ZNF618: variants seen among roughly 807,000 people sequenced by gnomAD.
ZNF618 encodes the protein zinc finger protein 618, also known as neural precursor cell expressed, developmentally down-regulated 10.
In ZNF618, 34 loss-of-function variants were observed where a neutral mutation model predicts 103.0. That is an observed-to-expected ratio of 0.33 (90% CI 0.25 to 0.44). The LOEUF is 0.44. Ranked by LOEUF, ZNF618 falls within the 20% of genes least tolerant of loss-of-function variation. The probability of loss-of-function intolerance (pLI) is 1.00; values close to 1 mark genes in which losing one functional copy is unlikely to be tolerated. For synonymous variants in ZNF618, 551 were observed against 542.2 expected (o/e 1.02, Z -0.23); for missense variants, 1,059 against 1,295.4 (o/e 0.82, Z 2.80).
intron 1 of ZNF618, among the ~76,000 whole-genome samples, chr9:113,880,496 G>A (rs947350754): frequency 1.3e-5 from 2 of 152,168 alleles, no homozygotes; most frequent in African/African-American, 2.4e-5. Flanking sequence ...GCCATATCCC[G>A]ACTCCCATAT....
chr9:114,024,402 T>C (rs1005463693), intron 10 of ZNF618, among the ~76,000 whole-genome samples: 2 of 152,242 alleles, frequency 1.3e-5, no homozygotes, highest in African/African-American at 4.8e-5. Flanking sequence ...GCCTGGAAAA[T>C]AATTGTTTCT....
At chr9:114,020,307 T>C (rs1842966605) in intron 10 of ZNF618, among the ~76,000 whole-genome samples, 1 of 151,982 alleles carries the variant, frequency 6.6e-6, no homozygotes, top group African/African-American at 2.4e-5. Flanking sequence ...GAAACTTTAT[T>C]CTTCCATATT....
chr9:113,924,992 T>C (rs970513812), intron 1 of ZNF618, among the ~76,000 whole-genome samples: 11 of 151,976 alleles, frequency 7.2e-5, no homozygotes, highest in South Asian at 2.1e-4. Flanking sequence ...AGAATGTGTA[T>C]TGTGGTGTTG....
At chr9:114,036,239 C>G in intron 12 of ZNF618, 61 bp from the exon 13 acceptor site, 1 of 1,496,220 alleles carries the variant, frequency 6.7e-7, no homozygotes, top group Middle Eastern at 1.8e-4. Flanking sequence ...TGCCTGCAGC[C>G]CAGCAGAAGG....
At position 114,049,060 on chromosome 9, in the gene ZNF618, G is replaced by C; in HGVS notation, c.1758G>C (p.Ala586=). 1 of 1,613,892 alleles carries C rather than the reference G, an allele frequency of 6.2e-7. No individual in the cohort carries two copies. The highest frequency in any genetic ancestry group is 8.5e-7 in the Non-Finnish European group (1 of 1,179,896). The part of the protein sequence containing the change: ...IKSYVLGVKG[A]DIRDSGDLVH... ...GCTATGTGCTTGGTGTGAAGGGTGC[G>C]GACATTCGCGACAGCGGTGACCTTG... Residue 586 remains alanine (A), a synonymous_variant, in exon 15 of 15, where the codon GCG becomes GCC. Coordinates refer to ENST00000374126, the MANE Select transcript of ZNF618 (RefSeq NM_001318042.2).
intron 1 of ZNF618, among the ~76,000 whole-genome samples, chr9:113,920,659 C>A (rs914852224): frequency 1.3e-5 from 2 of 152,134 alleles, no homozygotes; most frequent in Non-Finnish European, 2.9e-5. Context: ...GCCTTGGCCT[C>A]CCAAAGTGTT....
At chr9:113,991,758 C>G (rs1420076605) in intron 3 of ZNF618, among the ~76,000 whole-genome samples, 1 of 152,164 alleles carries the variant, frequency 6.6e-6, no homozygotes, top group African/African-American at 2.4e-5. Flanking sequence ...CTGTCTGGAC[C>G]TTGGTGTTCC....
chr9:114,016,794 T>G lies in ZNF618; in HGVS notation c.844+10T>G, dbSNP rs1232451758. On this transcript the variant is annotated intron_variant, in intron 10 of 14. Transcript: ENST00000374126. ...TTACACGCCCCCATCAGTGAGTACC[T>G]CCTCCCGGTAGGGATGGGGGTTGGG... 6.2e-7 allele frequency: 1 copy of G among 1,605,930 alleles called. No homozygotes were observed. The highest frequency in any genetic ancestry group is 8.5e-7 in the Non-Finnish European group (1 of 1,174,680).
chr9:113,992,872 G>A (rs1194675628), intron 3 of ZNF618, among the ~76,000 whole-genome samples: 3 of 152,180 alleles, frequency 2.0e-5, no homozygotes, highest in Non-Finnish European at 4.4e-5. Flanking sequence ...TGCCAAGTTC[G>A]CAATGGTTGC....
rs1264827357 is a variant in ZNF618, at chr9:113,951,532, T to TGTATAC, written c.34-17583_34-17582insATACGT. On this transcript the variant is annotated intron_variant, in intron 1 of 14. Coordinates refer to ENST00000374126, the MANE Select transcript of ZNF618 (RefSeq NM_001318042.2). ...ATATGTGTGTATATGTACACATATG[T>TGTATAC]GTGTACATATGTACACATATGTGTG... Among the ~76,000 whole-genome samples the TGTATAC allele has an allele frequency of 2.5e-3, 72 of 28,496 alleles. 4 individuals carry two copies. Among genetic ancestry groups the TGTATAC allele is most frequent in the Admixed American group, 7.1e-3 (16 of 2,250 alleles). The allele number at this position is 28,496 out of a possible 152,430, so 18.7% of individuals were successfully genotyped here.
In ZNF618 at chr9:114,049,148, G is replaced by T. The variant is rs1845914312; in HGVS notation, c.1846G>T (p.Val616Leu). 6.2e-7 allele frequency: 1 copy of T among 1,613,756 alleles called. No individual in the cohort carries two copies. The stretch of plus-strand genomic sequence containing the variant: ...GATGTCGGAGATCAGGACAGTGTAC[G>T]TGACGGATTGCCGGGTGAGCACGTC... ...FVMSEIRTVY[V>L]TDCRVSTSAF... The change falls in exon 15 of 15, where the codon GTG becomes TTG. Residue 616 changes from valine to leucine, a missense_variant. Val to Leu is a conservative substitution (Grantham distance 32). This residue lies in a region of ZNF618 where 272 missense variants were observed against 380.1 expected (regional missense o/e 0.72). Transcript: ENST00000374126.
chr9:114,006,734 G>A (rs1490113658), intron 6 of ZNF618, among the ~76,000 whole-genome samples: 3 of 152,178 alleles, frequency 2.0e-5, no homozygotes, highest in African/African-American at 7.2e-5. Flanking sequence ...GGCCAGGGCT[G>A]TGGTCTCATC....
chr9:114,046,380 A>T (rs1325977543), intron 13 of ZNF618, among the ~76,000 whole-genome samples: 7 of 152,172 alleles, frequency 4.6e-5, no homozygotes, highest in African/African-American at 1.7e-4. Context: ...CAGTTGCCTG[A>T]AGTATTCAGT....
At position 114,049,197 on chromosome 9, in the gene ZNF618, G is replaced by A. The variant is rs200316448; in HGVS notation, c.1895G>A (p.Cys632Tyr). ...TCCGCCTTCTCCAAGGCCGGCATGT[G>A]CCTTCGCTGCTCAGCCTGTGCCTTG... ...STSAFSKAGM[C>Y]LRCSACALNS... is the part of the protein sequence containing the mutation. Residue 632 changes from cysteine (C) to tyrosine (Y), a missense_variant, in exon 15 of 15, where the codon TGC becomes TAC. Coordinates refer to ENST00000374126, the MANE Select transcript of ZNF618 (RefSeq NM_001318042.2). 6.2e-7 allele frequency: 1 copy of A among 1,613,716 alleles called. No homozygotes were observed. Among genetic ancestry groups the A allele is most frequent in the East Asian group, 2.2e-5 (1 of 44,876 alleles).
intron 1 of ZNF618, among the ~76,000 whole-genome samples, chr9:113,964,225 C>T (rs547139092): frequency 1.5e-4 from 23 of 152,248 alleles, no homozygotes; most frequent in African/African-American, 4.6e-4. Context: ...TCAGCCTCCC[C>T]GAGCCTCAGG....
intron 4 of ZNF618, among the ~76,000 whole-genome samples, chr9:114,001,277 C>CGG (rs149565331): frequency 0.012 from 1,845 of 150,758 alleles, 21 homozygotes; most frequent in African/African-American, 0.024. Context: ...TGGCAAGGGG[C>CGG]TGGGGGGGCC....
At chr9:114,031,581 A>G (rs2134233827) in intron 11 of ZNF618, among the ~76,000 whole-genome samples, 1 of 152,366 alleles carries the variant, frequency 6.6e-6, no homozygotes, top group South Asian at 2.1e-4. Context: ...CCCAAAGTGC[A>G]TTCTCAAGAT....
At chr9:113,901,214 G>A (rs143628374) in intron 1 of ZNF618, among the ~76,000 whole-genome samples, 1 of 152,190 alleles carries the variant, frequency 6.6e-6, no homozygotes, top group African/African-American at 2.4e-5. Flanking sequence ...TGCACTTGAG[G>A]GTCTAAACTT....
chr9:113,902,558 A>G (rs1352566905), intron 1 of ZNF618, among the ~76,000 whole-genome samples: 1 of 152,150 alleles, frequency 6.6e-6, no homozygotes, highest in African/African-American at 2.4e-5. Flanking sequence ...GACATGCACT[A>G]TTGTTTTGTG....
Sources: gnomAD v4.1 joint callset for allele counts (sites outside exome capture counted in the v4.1 genomes callset) on GRCh38, gnomAD v4.1.1 for gene constraint, gnomAD v4.1.1 regional missense constraint, MANE v1.5 for transcripts, NCBI Gene and HGNC (gene_info 2026-07-23, HGNC 2026-07-21) for gene names.